CHD5: variants seen among roughly 807,000 people sequenced by gnomAD.
CHD5 encodes chromodomain helicase DNA binding protein 5.
In CHD5, 69 loss-of-function variants were observed where a neutral mutation model predicts 230.3. The observed-to-expected ratio is 0.30, with a 90% CI of 0.25 to 0.37. The LOEUF is 0.37. Ranked by LOEUF, CHD5 falls within the 10% of genes least tolerant of loss-of-function variation. The pLI is 1.00. For synonymous variants in CHD5, 1,064 were observed against 1,065.9 expected, an observed-to-expected ratio of 1.00 and a Z score of 0.03; for missense variants, 1,827 against 2,622.8, an observed-to-expected ratio of 0.70 and a Z score of 6.63.
chr1:6,111,217 G>A (rs1422373680), intron 36 of CHD5, among the ~76,000 whole-genome samples: 5 of 144,228 alleles, frequency 3.5e-5, no homozygotes, highest in Non-Finnish European at 6.0e-5. Flanking sequence ...GCCACAGAGC[G>A]AGACTCCATC....
At chr1:6,123,701 TA>T (rs35715359) in intron 31 of CHD5, among the ~76,000 whole-genome samples, 123,415 of 152,032 alleles carry the variant, frequency 0.81, 50,976 homozygotes, top group Non-Finnish European at 0.9. Flanking sequence ...GTGCTGTGAT[TA>T]ACAGGTGTGA....
rs753881194 is a variant in CHD5 at position 6,155,604 on chromosome 1, G to A, written c.501C>T (p.Phe167=). The change falls in exon 4 of 42, where the codon TTC becomes TTT. Residue 167 remains phenylalanine (F), a synonymous_variant. Transcript: ENST00000262450. This position sits in a 1 kb window ranked among gnomAD's most constrained non-coding sequence, Gnocchi z 4.0. ...AGCCCTAGTGCCCCGCCCACCTGAGGAACTGGCTGAAGGCCTTGTAGTTGG... is the reference window on the plus strand; with the variant it reads ...AGCCCTAGTGCCCCGCCCACCTGAGAAACTGGCTGAAGGCCTTGTAGTTGG... ...TLTNYKAFSQ[F]LRPLIAKKNP... is the part of the protein sequence containing the mutation. 4.3e-6 allele frequency: 7 copies of A among 1,613,278 alleles called. No individual in the cohort carries two copies. The highest frequency in any genetic ancestry group is 5.1e-6 in the Non-Finnish European group (6 of 1,179,358).
At chr1:6,137,372 G>C (rs1463417240) in intron 15 of CHD5, among the ~76,000 whole-genome samples, 6 of 152,194 alleles carry the variant, frequency 3.9e-5, no homozygotes, top group Non-Finnish European at 7.3e-5. Context: ...CTCCCATAGT[G>C]TTGGGATTAC....
chr1:6,155,027 G>C lies in CHD5; in HGVS notation c.507-129C>G, dbSNP rs1667059816. 1.2e-6 allele frequency: 1 copy of C among 856,512 alleles called. No individual in the cohort carries two copies. Among genetic ancestry groups the C allele is most frequent in the African/African-American group, 1.7e-5 (1 of 58,206 alleles). The allele number at this position is 856,512 out of a possible 1,614,324, so 53.1% of individuals were successfully genotyped here. A position where few individuals can be genotyped will look rare whatever the true frequency, so the allele number is the denominator to read the frequency against. On this transcript the variant is annotated intron_variant, in intron 4 of 41. Coordinates refer to ENST00000262450, the MANE Select transcript of CHD5 (RefSeq NM_015557.3). This position sits in a 1 kb window ranked among gnomAD's most constrained non-coding sequence, Gnocchi z 4.0. ...CAGCAGCCCCAGGTTCCTGATTAGA[G>C]AGATTAGGCGGGAAACCCACTGACC...
intron 2 of CHD5, among the ~76,000 whole-genome samples, chr1:6,165,798 C>G (rs1182554359): frequency 6.6e-6 from 1 of 152,096 alleles, no homozygotes; most frequent in African/African-American, 2.4e-5. Context: ...GGCTCACAGC[C>G]TCTCCTTCCC....
At chr1:6,161,632 C>T (rs569549961) in intron 2 of CHD5, among the ~76,000 whole-genome samples, 11 of 152,328 alleles carry the variant, frequency 7.2e-5, no homozygotes, top group Non-Finnish European at 1.0e-4. Context: ...CCTGGAGCCA[C>T]GGCTCCCAAG....
intron 1 of CHD5, among the ~76,000 whole-genome samples, chr1:6,173,958 A>C (rs1347205364): frequency 1.3e-5 from 2 of 152,190 alleles, no homozygotes; most frequent in African/African-American, 4.8e-5. Context: ...ACATCAAAAG[A>C]AAGCATCAGT....
Position 6,121,402 on chromosome 1 carries a change from G to A in CHD5, c.4779+92C>T. 1 of 1,479,698 alleles carries A rather than the reference G, an allele frequency of 6.8e-7. No homozygotes were observed. 91.7% of individuals were successfully genotyped at this position (1,479,698 alleles called of 1,614,324 possible). A position where few individuals can be genotyped will look rare whatever the true frequency, so the allele number is the denominator to read the frequency against. On this transcript the variant is annotated intron_variant, in intron 32 of 41. Coordinates refer to ENST00000262450, the MANE Select transcript of CHD5 (RefSeq NM_015557.3). The surrounding 1 kb of genome is among the most constrained non-coding windows in gnomAD (Gnocchi z 4.5). ...CCGAAAAGGGAGCCAGGAGGCCTGG[G>A]TTCCACCTCGCTGTACAGGGCCTGA...
chr1:6,109,449 C>T (rs749222007), intron 38 of CHD5, among the ~76,000 whole-genome samples: 1 of 152,218 alleles, frequency 6.6e-6, no homozygotes, highest in Non-Finnish European at 1.5e-5. Flanking sequence ...AGGCTCCAGG[C>T]TGATGGGTAT....
chr1:6,165,882 G>A (rs928996469), intron 2 of CHD5, among the ~76,000 whole-genome samples: 6 of 152,076 alleles, frequency 3.9e-5, no homozygotes, highest in African/African-American at 1.4e-4. Context: ...AACAGGGACA[G>A]GGAGCTTCAC....
At chr1:6,170,496 C>T (rs1667320380) in intron 1 of CHD5, among the ~76,000 whole-genome samples, 2 of 152,136 alleles carry the variant, frequency 1.3e-5, no homozygotes, top group Non-Finnish European at 2.9e-5. Flanking sequence ...CCAATGTGCA[C>T]CAGTGGAAGG....
chr1:6,134,402 G>A lies in CHD5; in HGVS notation c.3013-143C>T. On this transcript the variant is annotated intron_variant, in intron 19 of 41. Transcript: ENST00000262450. The surrounding 1 kb of genome is among the most constrained non-coding windows in gnomAD (Gnocchi z 6.3). Reference sequence around the variant, plus strand: ...CACTGAACATGAGACCCACACCCGAGCCAGGCCAGGCCCCACAGTGCGGGG... The same window carrying A: ...CACTGAACATGAGACCCACACCCGAACCAGGCCAGGCCCCACAGTGCGGGG... 9.5e-7 allele frequency: 1 copy of A among 1,053,592 alleles called. No homozygotes were observed. Among genetic ancestry groups the A allele is most frequent in the Non-Finnish European group, 1.4e-6 (1 of 723,668 alleles). 65.3% of individuals were successfully genotyped at this position (1,053,592 alleles called of 1,614,324 possible).
rs372922045 is a variant in CHD5 at position 6,166,707 on chromosome 1, C to T, written c.207+1443G>A. 1.4e-4 allele frequency among the ~76,000 whole-genome samples: 20 copies of T among 139,306 alleles called. 1 individual carries two copies. Among genetic ancestry groups the T allele is most frequent in the East Asian group, 4.1e-4 (2 of 4,902 alleles). The allele number at this position is 139,306 out of a possible 152,430, so 91.4% of individuals were successfully genotyped here. A position where few individuals can be genotyped will look rare whatever the true frequency, so the allele number is the denominator to read the frequency against. On this transcript the variant is annotated intron_variant, in intron 2 of 41. Transcript: ENST00000262450. ...AATGCCTCCAAGTACCCGAACAAGCCGGGGAAGTGGAAATGGGGCACAGAC... is the reference window on the plus strand; with the variant it reads ...AATGCCTCCAAGTACCCGAACAAGCTGGGGAAGTGGAAATGGGGCACAGAC...
At position 6,103,865 on chromosome 1, in the gene CHD5, C is replaced by CTGTGTT. The variant is rs1666114910; in HGVS notation, c.*1608_*1609insAACACA. The CTGTGTT allele has an allele frequency of 2.0e-5, 3 of 152,034 alleles. No individual in the cohort carries two copies. The highest frequency in any genetic ancestry group is 2.0e-4 in the Admixed American group (3 of 15,274). The allele number at this position is 152,034 out of a possible 1,614,324, so 9.4% of individuals were successfully genotyped here. A position where few individuals can be genotyped will look rare whatever the true frequency, so the allele number is the denominator to read the frequency against. ...TAGGGCTTAGGGAGGGCCAGGCAAT[C>CTGTGTT]GCTCCAGTGTCTGCAACACAAGCTG... is the stretch of plus-strand genomic sequence containing the variant. On this transcript the variant is annotated 3_prime_UTR_variant, in exon 42 of 42. Transcript: ENST00000262450.
rs1231760088 is a variant in CHD5, at chr1:6,169,030, AAAAAG to A, written c.80-758_80-754del. ...TGAGACTCCATCAAAAAAAAAAAAA[AAAAAG>A]AGAGAGAGAGAATTGTGGAGCACAG... On this transcript the variant is annotated intron_variant, in intron 1 of 41. Coordinates refer to ENST00000262450, the MANE Select transcript of CHD5 (RefSeq NM_015557.3). Among the ~76,000 whole-genome samples, 539 of 151,824 alleles carry A rather than the reference AAAAAG, an allele frequency of 3.6e-3. 1 individual carries two copies. The highest frequency in any genetic ancestry group is 0.012 in the African/African-American group (494 of 41,300).
Position 6,154,229 on chromosome 1 carries a change from A to G in CHD5, c.745+431T>C, listed in dbSNP as rs901565806. ...CACAGTGGGTATGCAGACAAGAAGAAGAGACGGGCTCGACTGGGGCCTCCT... is the reference window on the plus strand; with the variant it reads ...CACAGTGGGTATGCAGACAAGAAGAGGAGACGGGCTCGACTGGGGCCTCCT... On this transcript the variant is annotated intron_variant, in intron 5 of 41. Transcript: ENST00000262450. This position sits in a 1 kb window ranked among gnomAD's most constrained non-coding sequence, Gnocchi z 7.0. 1.3e-5 allele frequency among the ~76,000 whole-genome samples: 2 copies of G among 152,162 alleles called. No individual in the cohort carries two copies. The highest frequency in any genetic ancestry group is 4.8e-5 in the African/African-American group (2 of 41,442).
intron 1 of CHD5, among the ~76,000 whole-genome samples, chr1:6,168,900 T>C (rs1278400634): frequency 6.6e-6 from 1 of 151,870 alleles, no homozygotes; most frequent in Non-Finnish European, 1.5e-5. Flanking sequence ...GCGCCTGTAA[T>C]TCCAACTATT....
rs1571137074 is a variant in CHD5 at position 6,109,715 on chromosome 1, GC to G, written c.5578+79del. On this transcript the variant is annotated intron_variant, in intron 38 of 41. Transcript: ENST00000262450. ...TGTCCCCAGCCCCTACCCCATCAGT[GC>G]CCTCATCTACAGCCAAGAGCGCTCG... 11 of 1,225,036 alleles carry G rather than the reference GC, an allele frequency of 9.0e-6. No homozygotes were observed. The East Asian group carries it at 2.6e-4, about 29-fold the overall frequency. 75.9% of individuals were successfully genotyped at this position (1,225,036 alleles called of 1,614,324 possible).
Position 6,115,580 on chromosome 1 carries a change from A to G in CHD5, c.4913-2582T>C, listed in dbSNP as rs115724647. Among the ~76,000 whole-genome samples the G allele has an allele frequency of 8.7e-4, 133 of 152,362 alleles. 1 individual carries two copies. The highest frequency in any genetic ancestry group is 3.0e-3 in the African/African-American group (125 of 41,586). ...CTGGCTTGAAGACACACGAGGCTAC[A>G]TGGCAGGAATGTGGTGGCTTCCAGG... On this transcript the variant is annotated intron_variant, in intron 33 of 41. Transcript: ENST00000262450.
Sources: gnomAD v4.1 joint callset for allele counts (sites outside exome capture counted in the v4.1 genomes callset) on GRCh38, gnomAD v4.1.1 for gene constraint, Gnocchi (gnomAD v3.1) non-coding constraint, MANE v1.5 for transcripts, NCBI Gene and HGNC (gene_info 2026-07-23, HGNC 2026-07-21) for gene names.